NDUFB5: variants seen among roughly 807,000 people sequenced by gnomAD.
The protein encoded by NDUFB5 is NADH dehydrogenase [ubiquinone] 1 beta subcomplex subunit 5, mitochondrial.
In NDUFB5, 19 loss-of-function variants were observed where a neutral mutation model predicts 19.4. That is an observed-to-expected ratio of 0.98 (90% CI 0.68 to 1.43). NDUFB5 has a LOEUF of 1.43. Among genes scored for constraint, NDUFB5 ranks in the 40% most tolerant of loss-of-function variants. NDUFB5 has a pLI of 0.00. For synonymous variants in NDUFB5, 80 were observed against 82.6 expected, an observed-to-expected ratio of 0.97 and a Z score of 0.17; for missense variants, 233 against 236.5, an observed-to-expected ratio of 0.99 and a Z score of 0.10.
chr3:179,616,915 T>C, intron 3 of NDUFB5, 68 bp from the exon 4 acceptor site: 1 of 1,246,188 alleles, frequency 8.0e-7, no homozygotes, highest in Non-Finnish European at 1.2e-6. Flanking sequence ...TTTCTTACTT[T>C]AATGGTGAAT....
At position 179,624,248 on chromosome 3, in the gene NDUFB5, T is replaced by C. The variant is rs989088098; in HGVS notation, c.*208T>C. ...AATGTACTAATAAAAACTGGAGAAA[T>C]AGGAATTTGTGAACTCCTAAAATTG... On this transcript the variant is annotated 3_prime_UTR_variant, in exon 6 of 6. Transcript: ENST00000259037. The C allele has an allele frequency of 2.3e-5, 9 of 388,840 alleles. No homozygotes were observed. Among genetic ancestry groups the C allele is most frequent in the African/African-American group, 1.7e-4 (8 of 47,346 alleles). 24.1% of individuals were successfully genotyped at this position (388,840 alleles called of 1,614,324 possible). A position where few individuals can be genotyped will look rare whatever the true frequency, so the allele number is the denominator to read the frequency against.
chr3:179,606,837 T>C (rs887988802), intron 1 of NDUFB5, among the ~76,000 whole-genome samples: 1 of 152,192 alleles, frequency 6.6e-6, no homozygotes, highest in African/African-American at 2.4e-5. Context: ...ATTATGCCAC[T>C]CCACAGGATG....
rs373322203 is a variant in NDUFB5, at chr3:179,604,891, C to T, written c.76C>T (p.Arg26Cys). 17 of 1,595,274 alleles carry T rather than the reference C, an allele frequency of 1.1e-5. No homozygotes were observed. In the Admixed American group the frequency reaches 3.2e-4, roughly 30 times the overall value. Residue 26 changes from arginine (R) to cysteine (C), a missense_variant, in exon 1 of 6, where the codon CGC becomes TGC. By Grantham distance (180) the Arg-to-Cys change is radical (BLOSUM62 -3). Transcript: ENST00000259037. ...AALSGRPLGT[R>C]LGFGGFLTRG... ...TCTGTCTGGCCGGCCCCTTGGCACT[C>T]GCCTCGGATTTGGGGGCTTCCTCAC... is the stretch of plus-strand genomic sequence containing the variant.
At chr3:179,620,567 G>A (rs947040439) in intron 5 of NDUFB5, among the ~76,000 whole-genome samples, 17 of 152,070 alleles carry the variant, frequency 1.1e-4, no homozygotes, top group Admixed American at 3.9e-4. Context: ...TCTCTGTTTT[G>A]GTACCAGTAC....
rs138675651 is a variant in NDUFB5 at position 179,615,349 on chromosome 3, C to T, written c.213+290C>T. On this transcript the variant is annotated intron_variant, in intron 2 of 5. Coordinates refer to ENST00000259037, the MANE Select transcript of NDUFB5 (RefSeq NM_002492.4). ...CGAAATAGAATCTGTGTTCCTATAA[C>T]TAAAATATTCTTTAAATTACCAAAG... The T allele has an allele frequency of 3.7e-4, 96 of 261,082 alleles. 2 individuals are homozygous for T. The highest frequency in any genetic ancestry group is 2.0e-3 in the African/African-American group (89 of 45,298). The allele number at this position is 261,082 out of a possible 1,614,324, so 16.2% of individuals were successfully genotyped here.
At chr3:179,617,632 G>A (rs77171850) in intron 4 of NDUFB5, among the ~76,000 whole-genome samples, 263 of 152,284 alleles carry the variant, frequency 1.7e-3, no homozygotes, top group African/African-American at 6.1e-3. Flanking sequence ...CCTTAGGAGA[G>A]ACTTCACCAA....
At position 179,623,910 on chromosome 3, in the gene NDUFB5, T is replaced by C; in HGVS notation, c.450-10T>C. The C allele has an allele frequency of 6.2e-7, 1 of 1,613,384 alleles. No homozygotes were observed. The highest frequency in any genetic ancestry group is 1.1e-5 in the South Asian group (1 of 90,814). On this transcript the variant is annotated splice_polypyrimidine_tract_variant and intron_variant, in intron 5 of 5. Coordinates refer to ENST00000259037, the MANE Select transcript of NDUFB5 (RefSeq NM_002492.4). ...CTGGAATCTCAATATTGCTGTTCCA[T>C]TTGTTACAGGGTAAAGGAGCTGGAA...
At chr3:179,615,880 A>G (rs1328987021) in intron 2 of NDUFB5, 103 bp from the exon 3 acceptor site, 12 of 959,750 alleles carry the variant, frequency 1.3e-5, no homozygotes, top group African/African-American at 1.7e-5. Context: ...CAATTTGGCA[A>G]GTTTATTTTA....
At chr3:179,618,343 A>T in intron 4 of NDUFB5, 72 bp from the exon 5 acceptor site, 1 of 905,110 alleles carries the variant, frequency 1.1e-6, no homozygotes, top group Non-Finnish European at 1.7e-6. Flanking sequence ...TGATCATTTT[A>T]AAGAATAGTC....
At chr3:179,606,560 G>A (rs371044602) in intron 1 of NDUFB5, among the ~76,000 whole-genome samples, 26 of 152,130 alleles carry the variant, frequency 1.7e-4, no homozygotes, top group African/African-American at 5.8e-4. Flanking sequence ...GGCTGGTCTC[G>A]AACTCCTGAC....
intron 1 of NDUFB5, chr3:179,607,713 C>T: frequency 1.4e-6 from 1 of 699,006 alleles, no homozygotes; most frequent in Non-Finnish European, 2.6e-6. Flanking sequence ...AAAACTAAAA[C>T]TCTGTATCCG....
chr3:179,617,630 G>A (rs151282308), intron 4 of NDUFB5, among the ~76,000 whole-genome samples: 171 of 152,260 alleles, frequency 1.1e-3, no homozygotes, highest in African/African-American at 3.7e-3. Flanking sequence ...TGCCTTAGGA[G>A]AGACTTCACC....
In NDUFB5 at chr3:179,624,302, T is replaced by C. The variant is rs1437292536; in HGVS notation, c.*262T>C. On this transcript the variant is annotated 3_prime_UTR_variant, in exon 6 of 6. Transcript: ENST00000259037. ...CAACTTTGAAAGGTTAGTGTTTTAT[T>C]TACCTGACAAATGGAAGTTATAGAA... The C allele has an allele frequency of 3.6e-6, 1 of 279,174 alleles. No homozygotes were observed. The highest frequency in any genetic ancestry group is 5.6e-5 in the South Asian group (1 of 17,730). 17.3% of individuals were successfully genotyped at this position (279,174 alleles called of 1,614,324 possible).
chr3:179,607,988 TTTTG>T (rs546910455), intron 1 of NDUFB5, among the ~76,000 whole-genome samples: 47 of 152,098 alleles, frequency 3.1e-4, no homozygotes, highest in African/African-American at 4.8e-4. Context: ...TGCATCTAGG[TTTTG>T]TTTGTTTGTT....
chr3:179,607,657 A>G (rs947736621), intron 1 of NDUFB5: 44 of 672,356 alleles, frequency 6.5e-5, no homozygotes, highest in African/African-American at 1.6e-4. Context: ...TCCTAATGCT[A>G]TGCAACCATC....
chr3:179,607,985 A>C (rs1431546449), intron 1 of NDUFB5, among the ~76,000 whole-genome samples: 1 of 151,920 alleles, frequency 6.6e-6, no homozygotes, highest in Non-Finnish European at 1.5e-5. Flanking sequence ...GGTTGCATCT[A>C]GGTTTTGTTT....
intron 1 of NDUFB5, among the ~76,000 whole-genome samples, chr3:179,607,359 A>T (rs1029004308): frequency 6.6e-6 from 1 of 152,158 alleles, no homozygotes; most frequent in African/African-American, 2.4e-5. Flanking sequence ...TTTTCTGGAG[A>T]TAGACTGCCT....
intron 1 of NDUFB5, among the ~76,000 whole-genome samples, chr3:179,612,395 A>T (rs1210228909): frequency 6.6e-6 from 1 of 151,820 alleles, no homozygotes; most frequent in Non-Finnish European, 1.5e-5. Flanking sequence ...AGGACCTTTA[A>T]TGACATGACT....
chr3:179,615,950 T>C, intron 2 of NDUFB5, 33 bp from the exon 3 acceptor site: 1 of 1,496,198 alleles, frequency 6.7e-7, no homozygotes, highest in Non-Finnish European at 9.3e-7. Flanking sequence ...AGTTACGAAA[T>C]GGTCATGAGA....
Sources: gnomAD v4.1 joint callset for allele counts (sites outside exome capture counted in the v4.1 genomes callset) on GRCh38, gnomAD v4.1.1 for gene constraint, MANE v1.5 for transcripts, NCBI Gene and HGNC (gene_info 2026-07-23, HGNC 2026-07-21) for gene names.